DCT: variants seen among roughly 807,000 people sequenced by gnomAD.
DCT encodes L-dopachrome tautomerase.
DCT carries 47 observed loss-of-function variants against 53.0 expected under a neutral mutation model. That is an observed-to-expected ratio of 0.89 (90% CI 0.70 to 1.13). The LOEUF is 1.13. DCT is among the 50% of genes most tolerant of loss of function. The pLI is 0.00. For missense variants in DCT, 669 were observed against 637.4 expected, an observed-to-expected ratio of 1.05 and a Z score of -0.53; for synonymous variants, 244 against 237.0, an observed-to-expected ratio of 1.03 and a Z score of -0.27.
At chr13:94,444,033 G>C (rs78242121) in intron 6 of DCT, among the ~76,000 whole-genome samples, 5,719 of 152,242 alleles carry the variant, frequency 0.038, 377 homozygotes, top group African/African-American at 0.13. Flanking sequence ...AGTATGATAA[G>C]ATACATGTTC....
chr13:94,469,088 T>C (rs1884447230), intron 1 of DCT, 43 bp from the exon 2 acceptor site: 1 of 1,524,168 alleles, frequency 6.6e-7, no homozygotes, highest in Non-Finnish European at 9.1e-7. Context: ...GGGGTTTATG[T>C]CGTTTGGAAG....
chr13:94,467,205 T>G (rs1480723791), intron 2 of DCT: 2 of 152,278 alleles, frequency 1.3e-5, no homozygotes, highest in African/African-American at 4.8e-5. Context: ...CTGACAAGCA[T>G]GTTCGCTGAG....
the DCT span, among the ~76,000 whole-genome samples, chr13:94,523,683 T>C: frequency 6.6e-6 from 1 of 152,206 alleles, no homozygotes; most frequent in South Asian, 2.1e-4. Context: ...AACTACGCCA[T>C]TCCTAAGCAG....
intron 6 of DCT, chr13:94,444,347 A>G (rs1451118556): frequency 2.0e-6 from 1 of 511,104 alleles, no homozygotes; most frequent in African/African-American, 1.9e-5. Flanking sequence ...ATAAAGGAAC[A>G]GTAAATTTTT....
the DCT span, among the ~76,000 whole-genome samples, chr13:94,494,988 T>C: frequency 1.3e-5 from 2 of 152,272 alleles, no homozygotes; most frequent in East Asian, 3.8e-4. Context: ...TTGTCACTTG[T>C]ATTAATAATT....
At chr13:94,531,840 A>G in the DCT span, among the ~76,000 whole-genome samples, 1 of 152,318 alleles carries the variant, frequency 6.6e-6, no homozygotes, top group Admixed American at 6.5e-5. Context: ...AACTATCATC[A>G]GAGTGAACAG....
the DCT span, among the ~76,000 whole-genome samples, chr13:94,488,519 A>T: frequency 6.6e-6 from 1 of 152,048 alleles, no homozygotes; most frequent in Non-Finnish European, 1.5e-5. Context: ...GTTTGAGACC[A>T]GCCTCGGCAA....
chr13:94,515,199 T>C, the DCT span, among the ~76,000 whole-genome samples: 2 of 152,238 alleles, frequency 1.3e-5, no homozygotes, highest in Non-Finnish European at 2.9e-5. Flanking sequence ...TAAATGTCTG[T>C]TGTTTATAAG....
At chr13:94,477,507 G>T (rs1885170916) in intron 1 of DCT, among the ~76,000 whole-genome samples, 1 of 151,898 alleles carries the variant, frequency 6.6e-6, no homozygotes, top group Non-Finnish European at 1.5e-5. Flanking sequence ...GGGAGGGAGG[G>T]GTCAAAGGTT....
intron 7 of DCT, among the ~76,000 whole-genome samples, chr13:94,442,153 G>C (rs138657696): frequency 2.0e-5 from 3 of 152,074 alleles, no homozygotes. Context: ...CTGCCCAAGC[G>C]TCCCACTACA....
chr13:94,448,244 C>T (rs1370692314), intron 6 of DCT, among the ~76,000 whole-genome samples: 1 of 146,092 alleles, frequency 6.8e-6, no homozygotes, highest in East Asian at 1.9e-4. Flanking sequence ...GATACTGTCT[C>T]AACAACAACA....
At chr13:94,443,993 T>A (rs555385228) in intron 6 of DCT, among the ~76,000 whole-genome samples, 62 of 152,218 alleles carry the variant, frequency 4.1e-4, no homozygotes, top group Non-Finnish European at 8.2e-4. Context: ...TCAACATATA[T>A]GTGTTAATTA....
the DCT span, among the ~76,000 whole-genome samples, chr13:94,547,984 A>AACAAAAATATAT: frequency 3.0e-5 from 2 of 65,844 alleles, no homozygotes; most frequent in African/African-American, 2.6e-4. Context: ...AAAAAAAAAA[A>AACAAAAATATAT]ATATATATAT....
chr13:94,475,976 CGG>C (rs140654196), intron 1 of DCT, among the ~76,000 whole-genome samples: 2 of 152,060 alleles, frequency 1.3e-5, no homozygotes. Context: ...GAGCAGATCA[CGG>C]GGGGAGGTGA....
intron 1 of DCT, among the ~76,000 whole-genome samples, chr13:94,476,637 C>T (rs1038294721): frequency 6.6e-6 from 1 of 151,640 alleles, no homozygotes; most frequent in African/African-American, 2.4e-5. Context: ...CACCACACCT[C>T]GCTAATTTTT....
chr13:94,534,633 G>C, the DCT span, among the ~76,000 whole-genome samples: 1 of 152,202 alleles, frequency 6.6e-6, no homozygotes, highest in Non-Finnish European at 1.5e-5. Context: ...AAGTCAGTTT[G>C]TTTGAAAGAA....
chr13:94,486,381 C>A, the DCT span, among the ~76,000 whole-genome samples: 1 of 152,088 alleles, frequency 6.6e-6, no homozygotes, highest in Non-Finnish European at 1.5e-5. Flanking sequence ...TAGATGGAAG[C>A]CCTAAGCACG....
At chr13:94,527,753 G>A in the DCT span, among the ~76,000 whole-genome samples, 68 of 152,266 alleles carry the variant, frequency 4.5e-4, no homozygotes, top group Admixed American at 1.8e-3. Flanking sequence ...GCAGCTCCTC[G>A]CCAGCAAGGG....
chr13:94,450,149 C>T (rs988593974), intron 6 of DCT, among the ~76,000 whole-genome samples: 4 of 152,162 alleles, frequency 2.6e-5, no homozygotes, highest in Admixed American at 1.3e-4. Context: ...AGAAAATGGC[C>T]GTTATGAGCC....
Sources: gnomAD v4.1 joint callset for allele counts (sites outside exome capture counted in the v4.1 genomes callset) on GRCh38, gnomAD v4.1.1 for gene constraint, MANE v1.5 for transcripts, NCBI Gene and HGNC (gene_info 2026-07-23, HGNC 2026-07-21) for gene names.